AKT3: variants seen among roughly 807,000 people sequenced by gnomAD.
AKT3 encodes AKT serine/threonine kinase 3.
A neutral mutation model predicts 65.3 loss-of-function variants in AKT3; 15 were observed. That is an observed-to-expected ratio of 0.23 (90% CI 0.15 to 0.35). The LOEUF is 0.35. Ranked by LOEUF, AKT3 falls within the 10% of genes least tolerant of loss-of-function variation. The pLI, the probability that AKT3 is intolerant of heterozygous loss-of-function variation, is 1.00. For missense variants in AKT3, 243 were observed against 576.5 expected, an observed-to-expected ratio of 0.42 and a Z score of 5.92; for synonymous variants, 206 against 183.8, an observed-to-expected ratio of 1.12 and a Z score of -0.98.
At chr1:243,811,709 G>C (rs1693171315) in intron 2 of AKT3, among the ~76,000 whole-genome samples, 1 of 152,108 alleles carries the variant, frequency 6.6e-6, no homozygotes. Context: ...AGCCTGCATT[G>C]CCAAGTCAAT....
intron 2 of AKT3, among the ~76,000 whole-genome samples, chr1:243,827,526 T>A (rs916003952): frequency 2.0e-5 from 3 of 152,156 alleles, no homozygotes; most frequent in Non-Finnish European, 2.9e-5. Context: ...CTCTATTTCT[T>A]GACCCAGGAA....
intron 2 of AKT3, among the ~76,000 whole-genome samples, chr1:243,775,674 G>C (rs1690502451): frequency 6.6e-6 from 1 of 152,136 alleles, no homozygotes; most frequent in African/African-American, 2.4e-5. Context: ...CATTAACTTA[G>C]AGAAGAAAAA....
intron 4 of AKT3, 75 bp from the exon 5 acceptor site, chr1:243,646,112 A>G: frequency 3.2e-6 from 4 of 1,233,460 alleles, no homozygotes; most frequent in Non-Finnish European, 3.3e-6. Context: ...ATAAACTATG[A>G]AATCAATACA....
intron 13 of AKT3, among the ~76,000 whole-genome samples, chr1:243,492,617 T>TG (rs1666828379): frequency 2.1e-5 from 3 of 144,478 alleles, no homozygotes. Context: ...TTTTTTTTTT[T>TG]TTTTTTTTTT....
rs533095137 is a variant in AKT3, at chr1:243,508,411, T to C, written c.1355-3077A>G. Among the ~76,000 whole-genome samples, 271 of 152,336 alleles carry C rather than the reference T, an allele frequency of 1.8e-3. 1 individual carries two copies. In the Middle Eastern group the frequency reaches 0.024, roughly 13 times the overall value. ...GGAGAGGCTGCTGAACAGAGGTGCCTGCAGATGCGTCGATGCTAGTCTTTG... is the reference window on the plus strand; with the variant it reads ...GGAGAGGCTGCTGAACAGAGGTGCCCGCAGATGCGTCGATGCTAGTCTTTG... On this transcript the variant is annotated intron_variant, in intron 13 of 13. Transcript: ENST00000673466.
At chr1:243,548,825 T>G (rs1230410351) in intron 11 of AKT3, among the ~76,000 whole-genome samples, 3 of 151,914 alleles carry the variant, frequency 2.0e-5, no homozygotes, top group African/African-American at 7.3e-5. Context: ...GACTAAGAAA[T>G]AAAAGCAAAA....
intron 2 of AKT3, among the ~76,000 whole-genome samples, chr1:243,712,394 G>A (rs1686219613): frequency 6.6e-6 from 1 of 152,146 alleles, no homozygotes; most frequent in Non-Finnish European, 1.5e-5. Flanking sequence ...CTTTCAGAAA[G>A]ACATTACTCT....
At chr1:243,707,094 C>G (rs1250265294) in intron 2 of AKT3, among the ~76,000 whole-genome samples, 1 of 152,158 alleles carries the variant, frequency 6.6e-6, no homozygotes, top group African/African-American at 2.4e-5. Context: ...CAACATCTAG[C>G]TCACTGCAAG....
At chr1:243,641,822 G>A (rs1680414608) in intron 5 of AKT3, among the ~76,000 whole-genome samples, 1 of 152,072 alleles carries the variant, frequency 6.6e-6, no homozygotes, top group African/African-American at 2.4e-5. Context: ...TGTAGTCCCA[G>A]CTACCTGGGA....
rs575628157 is a variant in AKT3, at chr1:243,768,689, G to A, written c.47-72973C>T. On this transcript the variant is annotated intron_variant, in intron 2 of 13. Coordinates refer to ENST00000673466, the MANE Select transcript of AKT3 (RefSeq NM_005465.7). ...ATCTCTACTAAAAATACAAAAATGA[G>A]CTGGGTGTAGAGGCATGCGCCTGTA... is the stretch of plus-strand genomic sequence containing the variant. Among the ~76,000 whole-genome samples, 12 of 152,132 alleles carry A rather than the reference G, an allele frequency of 7.9e-5. No homozygotes were observed. In the South Asian group the frequency reaches 2.1e-3, roughly 26 times the overall value.
chr1:243,587,322 A>G (rs922540741), intron 8 of AKT3, among the ~76,000 whole-genome samples: 6 of 152,154 alleles, frequency 3.9e-5, no homozygotes, highest in Non-Finnish European at 5.9e-5. Flanking sequence ...TAAAAAATAA[A>G]AATATACGCT....
chr1:243,668,100 ATT>A (rs1333712257), intron 3 of AKT3, among the ~76,000 whole-genome samples: 3 of 151,964 alleles, frequency 2.0e-5, no homozygotes, highest in Non-Finnish European at 4.4e-5. Context: ...TTTTTTGCTT[ATT>A]GTCTTTTCAA....
intron 2 of AKT3, among the ~76,000 whole-genome samples, chr1:243,820,186 T>C (rs1693774106): frequency 6.6e-6 from 1 of 152,226 alleles, no homozygotes; most frequent in South Asian, 2.1e-4. Context: ...CCCAAAGTGC[T>C]GGGATTACAG....
At chr1:243,675,791 C>G (rs964789476) in intron 3 of AKT3, among the ~76,000 whole-genome samples, 7 of 152,162 alleles carry the variant, frequency 4.6e-5, no homozygotes, top group Admixed American at 1.3e-4. Context: ...CACTGACTTG[C>G]CTGGTTTTAC....
chr1:243,756,705 A>C (rs1689162110), intron 2 of AKT3, among the ~76,000 whole-genome samples: 1 of 152,222 alleles, frequency 6.6e-6, no homozygotes, highest in African/African-American at 2.4e-5. Flanking sequence ...AGAAACATCA[A>C]TAAATGCTAA....
chr1:243,602,260 T>C (rs963705113), intron 8 of AKT3, among the ~76,000 whole-genome samples: 1 of 152,214 alleles, frequency 6.6e-6, no homozygotes, highest in Non-Finnish European at 1.5e-5. Flanking sequence ...CGACTTTACA[T>C]TGCCTTTAGA....
At chr1:243,722,152 T>G (rs1686952384) in intron 2 of AKT3, among the ~76,000 whole-genome samples, 1 of 152,170 alleles carries the variant, frequency 6.6e-6, no homozygotes, top group South Asian at 2.1e-4. Context: ...AACAAAAGTT[T>G]AACATTAAGA....
rs377467693 is a variant in AKT3 at position 243,695,735 on chromosome 1, C to T, written c.47-19G>A. The stretch of plus-strand genomic sequence containing the variant: ...TATTCTCCTACATGAGGAAAGCACG[C>T]ATGTTAATGCTGAAAAAAATGAACA... On this transcript the variant is annotated intron_variant, in intron 2 of 13. Transcript: ENST00000673466. 6 of 1,559,284 alleles carry T rather than the reference C, an allele frequency of 3.8e-6. No individual in the cohort carries two copies. The highest frequency in any genetic ancestry group is 5.2e-6 in the Non-Finnish European group (6 of 1,158,112).
intron 12 of AKT3, among the ~76,000 whole-genome samples, chr1:243,526,777 GTTAAA>G (rs1671116358): frequency 1.2e-3 from 2 of 1,716 alleles, no homozygotes; most frequent in Non-Finnish European, 1.3e-3. Context: ...ACAAAAAATG[GTTAAA>G]AAAAAAAAAA....
Sources: allele counts gnomAD v4.1 joint callset (sites outside exome capture counted in the v4.1 genomes callset), GRCh38; gene constraint gnomAD v4.1.1; transcripts MANE v1.5; gene names NCBI Gene and HGNC (gene_info 2026-07-23, HGNC 2026-07-21).